The following SYT9 variants were observed in gnomAD, a reference collection of about 807,000 sequenced individuals.
SYT9 encodes the protein synaptotagmin-9.
SYT9 carries 22 observed loss-of-function variants against 48.4 expected under a neutral mutation model. The observed-to-expected ratio is 0.45, with a 90% CI of 0.32 to 0.65. SYT9 has a LOEUF of 0.65. SYT9 is among the 30% of genes least tolerant of loss of function. The pLI, the probability that SYT9 is intolerant of heterozygous loss-of-function variation, is 0.03. For synonymous variants in SYT9, 265 were observed against 245.0 expected (o/e 1.08, Z -0.76); for missense variants, 577 against 622.0 (o/e 0.93, Z 0.77).
chr11:7,268,031 T>C (rs1310465851), intron 1 of SYT9, among the ~76,000 whole-genome samples: 1 of 152,020 alleles, frequency 6.6e-6, no homozygotes, highest in African/African-American at 2.4e-5. Context: ...TAGAAGAAAT[T>C]GAAAGGTAGT....
rs71059104 is a variant in SYT9, at chr11:7,391,735, TAAAAAAAAAAAAA to T, written c.1045-24289_1045-24277del. On this transcript the variant is annotated intron_variant, in intron 3 of 6. Transcript: ENST00000318881. ...GGACAACATGGTAAAACCCCATCTC[TAAAAAAAAAAAAA>T]AAAAAAAAAAAAAAAAACCTAGCTA... 8.1e-4 allele frequency among the ~76,000 whole-genome samples: 29 copies of T among 35,950 alleles called. 1 individual carries two copies. In the South Asian group the frequency reaches 0.013, roughly 16 times the overall value. 23.6% of individuals were successfully genotyped at this position (35,950 alleles called of 152,430 possible).
intron 1 of SYT9, among the ~76,000 whole-genome samples, chr11:7,276,500 A>G (rs1487335122): frequency 6.6e-6 from 1 of 152,234 alleles, no homozygotes; most frequent in African/African-American, 2.4e-5. Flanking sequence ...ACACGTGAGA[A>G]TATGGTGGAA....
chr11:7,268,073 C>T (rs773666048), intron 1 of SYT9, among the ~76,000 whole-genome samples: 54 of 151,740 alleles, frequency 3.6e-4, no homozygotes, highest in Non-Finnish European at 5.8e-4. Flanking sequence ...AGGTATAGGC[C>T]TAAATATTTT....
At chr11:7,344,466 C>T (rs1332859107) in intron 3 of SYT9, among the ~76,000 whole-genome samples, 2 of 152,122 alleles carry the variant, frequency 1.3e-5, no homozygotes, top group Non-Finnish European at 2.9e-5. Context: ...CAAAGAAGTC[C>T]TGGCCTAATC....
intron 3 of SYT9, among the ~76,000 whole-genome samples, chr11:7,336,522 T>C (rs1849633219): frequency 1.3e-5 from 2 of 152,152 alleles, no homozygotes; most frequent in South Asian, 2.1e-4. Flanking sequence ...TTGTATATGG[T>C]GTAAGGAAGG....
intron 1 of SYT9, among the ~76,000 whole-genome samples, chr11:7,299,580 C>T (rs1848879313): frequency 1.3e-5 from 2 of 152,236 alleles, no homozygotes; most frequent in South Asian, 2.1e-4. Flanking sequence ...TAACTGGTGC[C>T]CCCTAGAGTT....
chr11:7,440,501 A>C (rs1350302828), intron 6 of SYT9: 1 of 152,226 alleles, frequency 6.6e-6, no homozygotes, highest in Non-Finnish European at 1.5e-5. Flanking sequence ...TACCTTCCCA[A>C]TGTTGAGTAA....
intron 6 of SYT9, chr11:7,444,443 A>T (rs1847892689): frequency 6.6e-6 from 1 of 152,230 alleles, no homozygotes; most frequent in African/African-American, 2.4e-5. Context: ...GGCCTCAGAC[A>T]GTAATTACAG....
chr11:7,280,572 C>A (rs1848475263), intron 1 of SYT9, among the ~76,000 whole-genome samples: 1 of 152,188 alleles, frequency 6.6e-6, no homozygotes, highest in South Asian at 2.1e-4. Flanking sequence ...TTTCAGAAGA[C>A]CTTAACAAAA....
At chr11:7,396,145 A>G (rs1215423452) in intron 3 of SYT9, among the ~76,000 whole-genome samples, 1 of 152,116 alleles carries the variant, frequency 6.6e-6, no homozygotes, top group Non-Finnish European at 1.5e-5. Context: ...TTTGTCCCAT[A>G]CTTATAATCA....
At chr11:7,398,648 T>C (rs979854945) in intron 3 of SYT9, among the ~76,000 whole-genome samples, 8 of 152,134 alleles carry the variant, frequency 5.3e-5, no homozygotes. Context: ...AGTTTTCTTA[T>C]AGTGTTTTGT....
chr11:7,392,722 C>A (rs1846654785), intron 3 of SYT9, among the ~76,000 whole-genome samples: 2 of 152,098 alleles, frequency 1.3e-5, no homozygotes, highest in South Asian at 4.1e-4. Context: ...AATAGTGATT[C>A]CTCCAATCCA....
At position 7,252,463 on chromosome 11, in the gene SYT9, G is replaced by A; in HGVS notation, c.145+132G>A. On this transcript the variant is annotated intron_variant, in intron 1 of 6. Coordinates refer to ENST00000318881, the MANE Select transcript of SYT9 (RefSeq NM_175733.4). The surrounding 1 kb of genome is among the most constrained non-coding windows in gnomAD (Gnocchi z 6.3). ...GGGGCGGCCACCGAGCCAGGAGAGT[G>A]ATCAAGAACCAGCGCACTGTGGCCT... 1 of 1,035,208 alleles carries A rather than the reference G, an allele frequency of 9.7e-7. No homozygotes were observed. The highest frequency in any genetic ancestry group is 2.6e-5 in the South Asian group (1 of 37,902). The allele number at this position is 1,035,208 out of a possible 1,614,324, so 64.1% of individuals were successfully genotyped here. A position where few individuals can be genotyped will look rare whatever the true frequency, so the allele number is the denominator to read the frequency against.
chr11:7,286,603 C>A (rs968665224), intron 1 of SYT9, among the ~76,000 whole-genome samples: 1 of 152,174 alleles, frequency 6.6e-6, no homozygotes, highest in Non-Finnish European at 1.5e-5. Context: ...ATGGCTTTTT[C>A]TTTTCTATCA....
chr11:7,430,822 A>G (rs1171630321), intron 6 of SYT9, among the ~76,000 whole-genome samples: 4 of 152,244 alleles, frequency 2.6e-5, no homozygotes, highest in African/African-American at 9.6e-5. Context: ...GCCCCACCAG[A>G]AACCAAGCAG....
chr11:7,416,591 C>G (rs1847255939), intron 4 of SYT9, among the ~76,000 whole-genome samples: 1 of 152,148 alleles, frequency 6.6e-6, no homozygotes, highest in South Asian at 2.1e-4. Context: ...TTAAACAATA[C>G]AGTATAACAA....
chr11:7,278,378 A>G (rs547532241), intron 1 of SYT9, among the ~76,000 whole-genome samples: 191 of 152,288 alleles, frequency 1.3e-3, no homozygotes, highest in Middle Eastern at 3.4e-3. Flanking sequence ...TTTCAACATG[A>G]GTTTTGGAGG....
chr11:7,283,695 T>A (rs1425789764), intron 1 of SYT9, among the ~76,000 whole-genome samples: 1 of 152,174 alleles, frequency 6.6e-6, no homozygotes, highest in East Asian at 1.9e-4. Context: ...TAGAGTACAG[T>A]GGTTAAGAGT....
At chr11:7,259,927 A>T (rs1007080280) in intron 1 of SYT9, among the ~76,000 whole-genome samples, 3 of 152,144 alleles carry the variant, frequency 2.0e-5, no homozygotes, top group Non-Finnish European at 4.4e-5. Context: ...CTCTTTTCCA[A>T]TGCAAAATGC....
Sources: gnomAD v4.1 joint callset for allele counts (sites outside exome capture counted in the v4.1 genomes callset) on GRCh38, gnomAD v4.1.1 for gene constraint, Gnocchi (gnomAD v3.1) non-coding constraint, MANE v1.5 for transcripts, NCBI Gene and HGNC (gene_info 2026-07-23, HGNC 2026-07-21) for gene names.